The following N4BP2 variants were observed in gnomAD, a reference collection of about 807,000 sequenced individuals.
N4BP2 encodes the protein NEDD4 binding protein 2.
A neutral mutation model predicts 152.8 loss-of-function variants in N4BP2; 91 were observed. The observed-to-expected ratio is 0.60, with a 90% CI of 0.50 to 0.71. N4BP2 has a LOEUF of 0.71. Ranked by LOEUF, N4BP2 falls within the 30% of genes least tolerant of loss-of-function variation. The probability of loss-of-function intolerance (pLI) is 0.00; values close to 1 mark genes in which losing one functional copy is unlikely to be tolerated. For missense variants in N4BP2, 1,923 were observed against 2,059.1 expected (o/e 0.93, Z 1.28); for synonymous variants, 646 against 705.3 (o/e 0.92, Z 1.33).
Position 40,119,917 on chromosome 4 carries a change from A to C in N4BP2, c.1821-15A>C. 1 of 1,243,844 alleles carries C rather than the reference A, an allele frequency of 8.0e-7. No homozygotes were observed. The highest frequency in any genetic ancestry group is 1.6e-5 in the South Asian group (1 of 62,884). The allele number at this position is 1,243,844 out of a possible 1,614,324, so 77.1% of individuals were successfully genotyped here. On this transcript the variant is annotated splice_polypyrimidine_tract_variant and intron_variant, in intron 8 of 17. Coordinates refer to ENST00000261435, the MANE Select transcript of N4BP2 (RefSeq NM_018177.6). ...AAGAGACTTTCTCATGATACTCTTT[A>C]AAATAATCTTACAGCCCAAGAGACG...
chr4:40,118,186 A>C (rs1717530310), intron 8 of N4BP2, among the ~76,000 whole-genome samples, 162 bp downstream of exon 8: 1 of 152,188 alleles, frequency 6.6e-6, no homozygotes. Context: ...TGGGAGGCCG[A>C]GGCAGGTGGA....
At chr4:40,057,360 C>T (rs953352556) in intron 1 of N4BP2, among the ~76,000 whole-genome samples, 1 of 152,228 alleles carries the variant, frequency 6.6e-6, no homozygotes, top group Non-Finnish European at 1.5e-5. Flanking sequence ...CCCCTCTCGA[C>T]CCCCCGAGGT....
At chr4:40,111,768 A>T (rs1422445670) in intron 5 of N4BP2, among the ~76,000 whole-genome samples, 1 of 152,126 alleles carries the variant, frequency 6.6e-6, no homozygotes, top group Non-Finnish European at 1.5e-5. Flanking sequence ...GGTGGGCACC[A>T]CCACACCCAA....
intron 7 of N4BP2, among the ~76,000 whole-genome samples, chr4:40,116,440 A>T (rs999493708): frequency 4.6e-5 from 7 of 152,040 alleles, no homozygotes; most frequent in Non-Finnish European, 8.8e-5. Flanking sequence ...TAAAATTTTT[A>T]AAATTGTTTC....
In N4BP2 at chr4:40,152,790, G is replaced by C; in HGVS notation, c.5154G>C (p.Gln1718His). 6.2e-7 allele frequency: 1 copy of C among 1,613,960 alleles called. No individual in the cohort carries two copies. The highest frequency in any genetic ancestry group is 8.5e-7 in the Non-Finnish European group (1 of 1,179,934). The stretch of plus-strand genomic sequence containing the variant: ...TTTCTGTTGTAACAGAATTTAAGCA[G>C]AACGGTGGGAAGCCCTATTTGTCTG... ...VLEKKTEEFK[Q>H]NGGKPYLSVI... The change falls in exon 17 of 18, where the codon CAG becomes CAC. Residue 1718 changes from glutamine to histidine, a missense_variant. By Grantham distance (24) the Gln-to-His change is conservative (BLOSUM62 0). Coordinates refer to ENST00000261435, the MANE Select transcript of N4BP2 (RefSeq NM_018177.6).
chr4:40,167,801 A>G, the N4BP2 span: 2 of 152,226 alleles, frequency 1.3e-5, no homozygotes, highest in South Asian at 2.1e-4. Context: ...AATGTGTACT[A>G]TACGTGTTAA....
intron 5 of N4BP2, among the ~76,000 whole-genome samples, chr4:40,107,250 C>T (rs1716394809): frequency 6.6e-6 from 1 of 152,094 alleles, no homozygotes; most frequent in Admixed American, 6.6e-5. Flanking sequence ...AGATGTGCCA[C>T]CATGCCTGGC....
Position 40,097,312 on chromosome 4 carries a change from AG to A in N4BP2, c.-26del. The A allele has an allele frequency of 6.3e-7, 1 of 1,576,742 alleles. No homozygotes were observed. The highest frequency in any genetic ancestry group is 8.7e-7 in the Non-Finnish European group (1 of 1,147,276). On this transcript the variant is annotated 5_prime_UTR_variant, in exon 3 of 18. An upstream open reading frame in the 5' UTR loses its in-frame stop. Transcript: ENST00000261435. ...AATGTCAAACATCTTAACTAAGAAAAGGGAAACATTTTAGTTTTGGAAGTCA... is the reference window on the plus strand; with the variant it reads ...AATGTCAAACATCTTAACTAAGAAAAGGAAACATTTTAGTTTTGGAAGTCA...
At chr4:40,058,458 A>G (rs1428578589) in intron 1 of N4BP2, among the ~76,000 whole-genome samples, 1 of 152,186 alleles carries the variant, frequency 6.6e-6, no homozygotes. Flanking sequence ...AGTGGTGGAC[A>G]TGGTGGGAAG....
intron 3 of N4BP2, among the ~76,000 whole-genome samples, chr4:40,098,355 T>C (rs1485515258): frequency 6.6e-6 from 1 of 151,944 alleles, no homozygotes; most frequent in Admixed American, 6.6e-5. Flanking sequence ...TTCATAGGAC[T>C]TTTTTTTGGT....
chr4:40,062,572 T>C (rs576782296), intron 1 of N4BP2, among the ~76,000 whole-genome samples: 2 of 151,970 alleles, frequency 1.3e-5, no homozygotes, highest in East Asian at 3.9e-4. Flanking sequence ...CTTTTTTTTT[T>C]TTTTTTGAGA....
intron 12 of N4BP2, among the ~76,000 whole-genome samples, chr4:40,127,390 T>C (rs1718506337): frequency 6.6e-6 from 1 of 150,852 alleles, no homozygotes; most frequent in Admixed American, 6.6e-5. Flanking sequence ...GCTACTTTTA[T>C]TTTTTGTAGA....
chr4:40,117,846 CT>C (rs763020485), intron 7 of N4BP2, 22 bp from the exon 8 acceptor site: 4 of 1,576,178 alleles, frequency 2.5e-6, no homozygotes, highest in Non-Finnish European at 2.6e-6. Context: ...TCCTTCAACC[CT>C]TTTTTCCCCT....
chr4:40,059,432 G>A (rs1361348403), intron 1 of N4BP2, among the ~76,000 whole-genome samples: 3 of 151,946 alleles, frequency 2.0e-5, no homozygotes, highest in Admixed American at 2.0e-4. Context: ...TCACTCTGTC[G>A]CCCAGGCTGG....
Position 40,122,232 on chromosome 4 carries a change from A to G in N4BP2, c.4121A>G (p.Asp1374Gly), listed in dbSNP as rs766840592. The stretch of plus-strand genomic sequence containing the variant: ...GCGATGGCCAAATCTCTGACCATAG[A>G]CTGTCTGGAATTGGCATTACCCCCT... ...TPAMAKSLTI[D>G]CLELALPPEL... Residue 1374 changes from aspartate to glycine, a missense_variant, in exon 9 of 18, where the codon GAC becomes GGC. Asp to Gly is a moderately conservative substitution (Grantham distance 94, BLOSUM62 -1). Transcript: ENST00000261435. The G allele has an allele frequency of 1.9e-6, 3 of 1,611,636 alleles. No individual in the cohort carries two copies. The highest frequency in any genetic ancestry group is 2.5e-6 in the Non-Finnish European group (3 of 1,178,510).
intron 1 of N4BP2, among the ~76,000 whole-genome samples, chr4:40,065,468 G>A (rs1157301148): frequency 6.6e-6 from 1 of 152,108 alleles, no homozygotes; most frequent in Non-Finnish European, 1.5e-5. Flanking sequence ...GAACCTTAGC[G>A]AGCAATGACA....
At chr4:40,140,143 TATTAATAAGACCACTCAGGGGTAA>T (rs1285030528) in intron 14 of N4BP2, among the ~76,000 whole-genome samples, 8 of 152,166 alleles carry the variant, frequency 5.3e-5, no homozygotes, top group African/African-American at 1.2e-4. Flanking sequence ...CTGCAATCCT[TATTAATAAGACCACTCAGGGGTAA>T]ATTAAGTGCT....
At chr4:40,065,057 T>C (rs1188104379) in intron 1 of N4BP2, among the ~76,000 whole-genome samples, 2 of 152,128 alleles carry the variant, frequency 1.3e-5, no homozygotes, top group Non-Finnish European at 2.9e-5. Context: ...CGTGAGCCAC[T>C]GTGCCCGGCT....
At chr4:40,134,312 T>C (rs1719160164) in intron 13 of N4BP2, among the ~76,000 whole-genome samples, 1 of 152,186 alleles carries the variant, frequency 6.6e-6, no homozygotes, top group African/African-American at 2.4e-5. Flanking sequence ...TCCTGTTCTA[T>C]GAGTACCTAG....
Sources: allele counts gnomAD v4.1 joint callset (sites outside exome capture counted in the v4.1 genomes callset), GRCh38; gene constraint gnomAD v4.1.1; transcripts MANE v1.5; gene names NCBI Gene and HGNC (gene_info 2026-07-23, HGNC 2026-07-21).